Variants in DMD observed in about 807,000 individuals in gnomAD.
DMD encodes dystrophin.
In DMD, 63 loss-of-function variants were observed where a neutral mutation model predicts 330.1. The observed-to-expected ratio is 0.19, with a 90% CI of 0.16 to 0.24. DMD has a LOEUF of 0.24. Ranked by LOEUF, DMD falls within the 10% of genes least tolerant of loss-of-function variation. DMD has a pLI of 1.00. For missense variants in DMD, 3,344 were observed against 2,684.1 expected, an observed-to-expected ratio of 1.25 and a Z score of -5.43; for synonymous variants, 1,223 against 959.8, an observed-to-expected ratio of 1.27 and a Z score of -5.07.
intron 59 of DMD, among the ~76,000 whole-genome samples, chrX:31,455,426 G>T (rs1315054523): frequency 9.0e-6 from 1 of 111,602 alleles, no homozygotes. Context: ...CCAAGCCATA[G>T]TACATGATAA....
Position 32,834,523 on chromosome X carries a change from A to C in DMD, c.264+10260T>G, listed in dbSNP as rs1018762306. On this transcript the variant is annotated intron_variant, in intron 4 of 78. Coordinates refer to ENST00000357033, the MANE Select transcript of DMD (RefSeq NM_004006.3). ...TTTTTCAGATCAGTGACATCTGACAACCATTCAATCTAATTCAGTGACTAT... is the reference window on the plus strand; with the variant it reads ...TTTTTCAGATCAGTGACATCTGACACCCATTCAATCTAATTCAGTGACTAT... 4.5e-5 allele frequency among the ~76,000 whole-genome samples: 5 copies of C among 111,889 alleles called. No individual in the cohort carries two copies. In the Admixed American group the frequency reaches 4.8e-4, roughly 11 times the overall value.
Position 31,121,729 on chromosome X carries a change from C to A in DMD, c.*190G>T. On this transcript the variant is annotated 3_prime_UTR_variant, in exon 79 of 79. Transcript: ENST00000357033. The stretch of plus-strand genomic sequence containing the variant: ...AAATCTACAGTATAATACCACTACC[C>A]TTCACAAAAATATAGATTTATTTCT... The A allele has an allele frequency of 1.6e-6, 1 of 637,081 alleles. No individual in the cohort carries two copies. The allele number at this position is 637,081 out of a possible 1,213,427, so 52.5% of individuals were successfully genotyped here.
intron 56 of DMD, among the ~76,000 whole-genome samples, chrX:31,506,149 A>G (rs1189305826): frequency 8.9e-6 from 1 of 112,154 alleles, no homozygotes; most frequent in Non-Finnish European, 1.9e-5. Flanking sequence ...ATTAGTTGCT[A>G]TCATTATTTC....
chrX:31,971,831 T>C (rs2095401689), intron 44 of DMD, among the ~76,000 whole-genome samples: 1 of 112,103 alleles, frequency 8.9e-6, no homozygotes. Flanking sequence ...AGCTTTGATA[T>C]CATATTAATG....
chrX:31,483,594 G>C (rs1439164656), intron 57 of DMD, among the ~76,000 whole-genome samples: 3 of 111,927 alleles, frequency 2.7e-5, no homozygotes. Flanking sequence ...TGAGGCCAAA[G>C]AAAAGACAAA....
intron 29 of DMD, among the ~76,000 whole-genome samples, chrX:32,425,725 G>C (rs2098209879): frequency 9.0e-6 from 1 of 111,290 alleles, no homozygotes; most frequent in Non-Finnish European, 1.9e-5. Context: ...CATCATGTTA[G>C]CTGACTTCAA....
At chrX:32,508,664 A>C (rs2044895473) in intron 18 of DMD, among the ~76,000 whole-genome samples, 1 of 111,890 alleles carries the variant, frequency 8.9e-6, no homozygotes, top group African/African-American at 3.3e-5. Flanking sequence ...AAAATGAGAT[A>C]GTTTTTATAG....
chrX:31,265,512 T>C (rs751109082), intron 62 of DMD, among the ~76,000 whole-genome samples: 1 of 111,081 alleles, frequency 9.0e-6, no homozygotes, highest in African/African-American at 3.3e-5. Flanking sequence ...CTGTTAGTTG[T>C]CCTCCGTTTT....
intron 55 of DMD, among the ~76,000 whole-genome samples, chrX:31,540,140 A>G (rs767442125): frequency 6.2e-5 from 7 of 112,685 alleles, no homozygotes; most frequent in Non-Finnish European, 1.3e-4. Flanking sequence ...ATATTCTAAA[A>G]TAAGTAAAAA....
At chrX:33,269,246 C>A (rs1273391356) in intron 1 of DMD, among the ~76,000 whole-genome samples, 8 of 110,994 alleles carry the variant, frequency 7.2e-5, no homozygotes, top group Admixed American at 6.7e-4. Context: ...ACCACGGAAT[C>A]CTATGCAGCC....
intron 7 of DMD, among the ~76,000 whole-genome samples, chrX:32,737,887 C>T (rs1005475192): frequency 9.0e-6 from 1 of 111,188 alleles, no homozygotes; most frequent in African/African-American, 3.3e-5. Flanking sequence ...TTTGCCCTCA[C>T]AAAAAATAAA....
At chrX:31,853,795 A>G (rs891758141) in intron 48 of DMD, among the ~76,000 whole-genome samples, 1 of 112,139 alleles carries the variant, frequency 8.9e-6, no homozygotes, top group African/African-American at 3.2e-5. Context: ...ATGGAAAACC[A>G]TAATTGTGGG....
chrX:33,090,898 T>C (rs771301275), intron 1 of DMD, among the ~76,000 whole-genome samples: 2 of 111,342 alleles, frequency 1.8e-5, no homozygotes, highest in African/African-American at 6.5e-5. Context: ...GGTATTCTTT[T>C]CTATTTTAAA....
At chrX:31,947,286 C>A (rs1314306173) in intron 45 of DMD, among the ~76,000 whole-genome samples, 1 of 111,432 alleles carries the variant, frequency 9.0e-6, no homozygotes, top group East Asian at 2.8e-4. Flanking sequence ...TCACCACAGT[C>A]GGCTACATTT....
chrX:31,823,373 T>G (rs1464563897), intron 49 of DMD, among the ~76,000 whole-genome samples: 1 of 111,984 alleles, frequency 8.9e-6, no homozygotes. Context: ...GTCTAGTGCT[T>G]CCTAATAAGA....
chrX:32,740,367 A>C (rs2069092901), intron 7 of DMD, among the ~76,000 whole-genome samples: 1 of 110,567 alleles, frequency 9.0e-6, no homozygotes, highest in Non-Finnish European at 1.9e-5. Context: ...GATCTATTTC[A>C]TGGTAAAGAG....
At chrX:32,114,589 G>A (rs1488612338) in intron 44 of DMD, among the ~76,000 whole-genome samples, 2 of 111,576 alleles carry the variant, frequency 1.8e-5, no homozygotes, top group African/African-American at 3.3e-5. Flanking sequence ...ATAATGACAA[G>A]CTTCTACTCA....
chrX:31,212,177 T>C (rs2044782642), intron 64 of DMD, among the ~76,000 whole-genome samples: 1 of 47,445 alleles, frequency 2.1e-5, no homozygotes, highest in African/African-American at 8.2e-5. Context: ...TGTGTGTGTG[T>C]ATGTGTGTGT....
chrX:32,926,606 G>C lies in DMD; in HGVS notation c.94-76786C>G, dbSNP rs1042729125. ...CTCTACTAAAACACACAAAAAATTA[G>C]CAGGATGTGGCGGCGTGAGGCTGTA... On this transcript the variant is annotated intron_variant, in intron 2 of 78. Transcript: ENST00000357033. 3.6e-5 allele frequency among the ~76,000 whole-genome samples: 4 copies of C among 109,771 alleles called. No homozygotes were observed. In the East Asian group the frequency reaches 1.2e-3, roughly 32 times the overall value.
Sources: allele counts gnomAD v4.1 joint callset (sites outside exome capture counted in the v4.1 genomes callset), GRCh38; gene constraint gnomAD v4.1.1; transcripts MANE v1.5; gene names NCBI Gene and HGNC (gene_info 2026-07-23, HGNC 2026-07-21).